SCP2: variants seen among roughly 807,000 people sequenced by gnomAD.
The protein encoded by SCP2 is sterol carrier protein 2.
A neutral mutation model predicts 71.4 loss-of-function variants in SCP2; 48 were observed. The ratio of observed to expected loss-of-function variants is 0.67; its 90% CI spans 0.53 to 0.86. The LOEUF is 0.86. Ranked by LOEUF, SCP2 falls within the 40% of genes least tolerant of loss-of-function variation. SCP2 has a pLI of 0.00. For missense variants in SCP2, 560 were observed against 655.6 expected (o/e 0.85, Z 1.59); for synonymous variants, 220 against 218.1 (o/e 1.01, Z -0.08).
intron 14 of SCP2, among the ~76,000 whole-genome samples, chr1:53,043,204 A>C (rs1052730992): frequency 2.0e-5 from 3 of 152,234 alleles, no homozygotes; most frequent in African/African-American, 7.2e-5. Context: ...TGAGAGTCCA[A>C]TGGTCTTATC....
At chr1:53,047,290 A>C (rs897838100) in intron 14 of SCP2, among the ~76,000 whole-genome samples, 3 of 152,196 alleles carry the variant, frequency 2.0e-5, no homozygotes, top group African/African-American at 7.2e-5. Flanking sequence ...ATGTAACAAA[A>C]TGACAAGAGT....
chr1:52,936,580 G>A (rs901411469), intron 1 of SCP2, among the ~76,000 whole-genome samples: 3 of 152,124 alleles, frequency 2.0e-5, no homozygotes, highest in African/African-American at 7.2e-5. Flanking sequence ...GGAAACTGTA[G>A]GTCAAATGCT....
chr1:53,040,707 C>T (rs987981507), intron 14 of SCP2, among the ~76,000 whole-genome samples: 1 of 151,998 alleles, frequency 6.6e-6, no homozygotes, highest in Non-Finnish European at 1.5e-5. Context: ...GGCGACAGAG[C>T]GAGACTCCGT....
intron 13 of SCP2, among the ~76,000 whole-genome samples, chr1:53,032,272 T>C (rs1662604194): frequency 6.6e-6 from 1 of 152,188 alleles, no homozygotes; most frequent in African/African-American, 2.4e-5. Flanking sequence ...GGGATTGAGT[T>C]CTGGTTGTAC....
chr1:52,971,125 G>A (rs945948513), intron 6 of SCP2, among the ~76,000 whole-genome samples: 4 of 151,700 alleles, frequency 2.6e-5, no homozygotes, highest in Non-Finnish European at 2.9e-5. Flanking sequence ...ACAGATGCCC[G>A]CCACCACGCC....
At chr1:53,030,319 C>CTTAAAT (rs1207047682) in intron 13 of SCP2, among the ~76,000 whole-genome samples, 54 of 152,108 alleles carry the variant, frequency 3.6e-4, no homozygotes, top group African/African-American at 1.3e-3. Flanking sequence ...TTTCCTGTTG[C>CTTAAAT]ACTCATATTT....
At chr1:53,011,230 G>A (rs56347603) in intron 11 of SCP2, among the ~76,000 whole-genome samples, 10,115 of 152,122 alleles carry the variant, frequency 0.066, 450 homozygotes, top group African/African-American at 0.12. Flanking sequence ...AACTAAAGCC[G>A]GATTATGACT....
chr1:52,945,899 A>T (rs749054902), intron 2 of SCP2, among the ~76,000 whole-genome samples: 1 of 151,830 alleles, frequency 6.6e-6, no homozygotes, highest in Non-Finnish European at 1.5e-5. Context: ...AATTGCAGGA[A>T]TAGTGAATAT....
intron 14 of SCP2, among the ~76,000 whole-genome samples, chr1:53,040,555 C>G (rs773461648): frequency 6.6e-6 from 1 of 152,232 alleles, no homozygotes; most frequent in Non-Finnish European, 1.5e-5. Flanking sequence ...CCCATCTCTA[C>G]TAAAAATACA....
chr1:53,037,879 TACACACACACACACACACAC>T lies in SCP2; in HGVS notation c.1339-1006_1339-987del, dbSNP rs34293671. On this transcript the variant is annotated intron_variant, in intron 13 of 15. Coordinates refer to ENST00000371514, the MANE Select transcript of SCP2 (RefSeq NM_002979.5). ...AACATAGGGAGATCCTGTCTCTACA[TACACACACACACACACACAC>T]ACACACACACACACACACACACACA... is the stretch of plus-strand genomic sequence containing the variant. 3.8e-4 allele frequency among the ~76,000 whole-genome samples: 32 copies of T among 84,624 alleles called. No homozygotes were observed. In the South Asian group the frequency reaches 0.01, roughly 27 times the overall value. The allele number at this position is 84,624 out of a possible 152,430, so 55.5% of individuals were successfully genotyped here. A position where few individuals can be genotyped will look rare whatever the true frequency, so the allele number is the denominator to read the frequency against.
intron 11 of SCP2, among the ~76,000 whole-genome samples, chr1:52,996,716 A>G (rs1355681404): frequency 6.6e-6 from 1 of 152,120 alleles, no homozygotes; most frequent in Non-Finnish European, 1.5e-5. Flanking sequence ...GGGGAAAGAG[A>G]TCAGCCTTGG....
Position 52,988,069 on chromosome 1 carries a change from T to C in SCP2, c.1014T>C (p.Tyr338=), listed in dbSNP as rs1224890611. The C allele has an allele frequency of 1.2e-6, 2 of 1,607,814 alleles. No individual in the cohort carries two copies. The highest frequency in any genetic ancestry group is 2.2e-5 in the East Asian group (1 of 44,754). The part of the protein sequence containing the change: ...ATLVDRGDNT[Y]GGKWVINPSG... The stretch of plus-strand genomic sequence containing the variant: ...TGGTTGATAGAGGAGATAATACATA[T>C]GGAGGAAAGTGGGTCATAAATCCTA... Residue 338 remains tyrosine, a synonymous_variant, in exon 11 of 16, where the codon TAT becomes TAC. Transcript: ENST00000371514.
chr1:52,995,448 G>A, intron 11 of SCP2: 1 of 438,838 alleles, frequency 2.3e-6, no homozygotes. Context: ...TCCCTGGCCA[G>A]CTCAATGCTG....
At chr1:52,951,282 A>C (rs986291681) in intron 4 of SCP2, among the ~76,000 whole-genome samples, 1 of 151,896 alleles carries the variant, frequency 6.6e-6, no homozygotes, top group Non-Finnish European at 1.5e-5. Context: ...ACCTTGTCTC[A>C]AAAAAGCCCC....
chr1:52,973,661 T>C (rs1657696692), intron 6 of SCP2, among the ~76,000 whole-genome samples: 1 of 152,140 alleles, frequency 6.6e-6, no homozygotes, highest in South Asian at 2.1e-4. Context: ...GCAATCTCCG[T>C]CTTCCGGGTT....
intron 9 of SCP2, 44 bp from the exon 10 acceptor site, chr1:52,980,352 G>A (rs1658372954): frequency 1.9e-6 from 3 of 1,581,560 alleles, no homozygotes; most frequent in Non-Finnish European, 2.6e-6. Flanking sequence ...TGTTTAAAAG[G>A]CCCAGTTTTG....
At chr1:53,021,645 C>CTTTTTTTTTT in intron 12 of SCP2, among the ~76,000 whole-genome samples, 1 of 95,676 alleles carries the variant, frequency 1.0e-5, no homozygotes, top group Non-Finnish European at 2.0e-5. Flanking sequence ...CTTTTTCTTT[C>CTTTTTTTTTT]TTTTTTTTTT....
At chr1:52,984,786 C>T (rs1380083456) in intron 10 of SCP2, among the ~76,000 whole-genome samples, 7 of 151,138 alleles carry the variant, frequency 4.6e-5, no homozygotes, top group Non-Finnish European at 8.8e-5. Context: ...ATCTGCCCGC[C>T]TTGGCCTCCC....
chr1:53,009,014 C>T (rs1055772969), intron 11 of SCP2, among the ~76,000 whole-genome samples: 32 of 152,180 alleles, frequency 2.1e-4, no homozygotes, highest in Non-Finnish European at 4.6e-4. Context: ...CATGAGTGAA[C>T]TCCCATTCAC....
Sources: allele counts gnomAD v4.1 joint callset (sites outside exome capture counted in the v4.1 genomes callset), GRCh38; gene constraint gnomAD v4.1.1; transcripts MANE v1.5; gene names NCBI Gene and HGNC (gene_info 2026-07-23, HGNC 2026-07-21).